The following PARP4 variants were observed in gnomAD, a reference collection of about 807,000 sequenced individuals.
PARP4 encodes the protein protein mono-ADP-ribosyltransferase PARP4.
PARP4 carries 120 observed loss-of-function variants against 187.7 expected under a neutral mutation model. The observed-to-expected ratio is 0.64, with a 90% CI of 0.55 to 0.74. PARP4 has a LOEUF of 0.74. PARP4 is among the 30% of genes least tolerant of loss of function. The pLI is 0.00. For missense variants in PARP4, 1,836 were observed against 2,070.5 expected (o/e 0.89, Z 2.20); for synonymous variants, 654 against 740.9 (o/e 0.88, Z 1.90).
At chr13:24,491,698 G>A (rs1868663430) in intron 9 of PARP4, among the ~76,000 whole-genome samples, 1 of 150,150 alleles carries the variant, frequency 6.7e-6, no homozygotes, top group Non-Finnish European at 1.5e-5. Context: ...AGGGTTGGCT[G>A]CTGTGGCTGC....
intron 30 of PARP4, among the ~76,000 whole-genome samples, chr13:24,436,757 C>T (rs1280451908): frequency 6.6e-6 from 1 of 152,026 alleles, no homozygotes; most frequent in Admixed American, 6.6e-5. Flanking sequence ...GTATAAAATC[C>T]AGTTTTATAT....
chr13:24,438,388 C>T (rs935321487), intron 30 of PARP4, among the ~76,000 whole-genome samples: 12 of 152,214 alleles, frequency 7.9e-5, no homozygotes, highest in Non-Finnish European at 1.5e-4. Flanking sequence ...TCACCTCCTG[C>T]TGTGCAGCCT....
intron 14 of PARP4, among the ~76,000 whole-genome samples, chr13:24,476,678 C>T (rs761123641): frequency 3.9e-5 from 6 of 152,322 alleles, no homozygotes; most frequent in Non-Finnish European, 7.4e-5. Context: ...CACACATGAA[C>T]TCATGCGTTT....
At chr13:24,512,029 C>G (rs192465578) in intron 1 of PARP4, among the ~76,000 whole-genome samples, 129 of 152,278 alleles carry the variant, frequency 8.5e-4, no homozygotes, top group African/African-American at 3.1e-3. Context: ...GCGAACTTCC[C>G]CTTTATCATA....
intron 25 of PARP4, among the ~76,000 whole-genome samples, chr13:24,449,116 C>T (rs181051435): frequency 6.9e-4 from 105 of 152,168 alleles, no homozygotes; most frequent in East Asian, 6.4e-3. Flanking sequence ...TGGCCAGGCG[C>T]GGTGGCTCAC....
At chr13:24,493,760 CAA>C in intron 7 of PARP4, 27 bp from the exon 8 acceptor site, 1 of 1,609,982 alleles carries the variant, frequency 6.2e-7, no homozygotes. Flanking sequence ...GAAATGCCAC[CAA>C]AAAGTCATCA....
rs9318600 is a variant in PARP4 at position 24,494,670 on chromosome 13, A to T, written c.644T>A (p.Phe215Tyr). 0.11 allele frequency: 178,589 copies of T among 1,608,332 alleles called. 10,548 individuals are homozygous for T. The highest frequency in any genetic ancestry group is 0.13 in the Middle Eastern group (762 of 6,046). ...CTTCAGTTCTTCAATGTAATTTTCA[A>T]AGTATTCACTTGCATCTTCAGAGGT... ...KKTSEDASEY[F>Y]ENYIEELKKQ... The change falls in exon 7 of 34, where the codon TTT becomes TAT. Residue 215 changes from phenylalanine (F) to tyrosine (Y), a missense_variant. By Grantham distance (22) the Phe-to-Tyr change is conservative. Coordinates refer to ENST00000381989, the MANE Select transcript of PARP4 (RefSeq NM_006437.4).
At chr13:24,505,889 C>G (rs1453358279) in intron 1 of PARP4, among the ~76,000 whole-genome samples, 1 of 152,238 alleles carries the variant, frequency 6.6e-6, no homozygotes, top group Non-Finnish European at 1.5e-5. Flanking sequence ...GCAGGCAGGT[C>G]AGGTTCTCTG....
intron 33 of PARP4, among the ~76,000 whole-genome samples, chr13:24,425,162 G>C (rs1007428401): frequency 6.6e-6 from 1 of 152,138 alleles, no homozygotes; most frequent in Non-Finnish European, 1.5e-5. Flanking sequence ...TTAGCAGGGC[G>C]TGGTGGTGCA....
At chr13:24,469,568 C>T (rs1000519756) in intron 16 of PARP4, among the ~76,000 whole-genome samples, 1 of 152,128 alleles carries the variant, frequency 6.6e-6, no homozygotes, top group Non-Finnish European at 1.5e-5. Flanking sequence ...CCTCAGCCTC[C>T]CGAAGTGCTG....
At chr13:24,498,385 A>G (rs745447008) in intron 5 of PARP4, among the ~76,000 whole-genome samples, 156 bp from the exon 6 acceptor site, 3 of 152,216 alleles carry the variant, frequency 2.0e-5, no homozygotes, top group Non-Finnish European at 4.4e-5. Context: ...AAATCTCCTA[A>G]AATCCCGAGA....
chr13:24,492,088 C>T (rs542848759), intron 9 of PARP4, among the ~76,000 whole-genome samples: 5 of 152,312 alleles, frequency 3.3e-5, no homozygotes, highest in Admixed American at 6.5e-5. Context: ...TGTCTGAGAA[C>T]GTAAATGTCC....
chr13:24,490,456 G>C (rs1868576948), intron 10 of PARP4, among the ~76,000 whole-genome samples: 1 of 152,190 alleles, frequency 6.6e-6, no homozygotes, highest in African/African-American at 2.4e-5. Flanking sequence ...AGGTAACCTT[G>C]AAATCGGAGT....
chr13:24,427,889 A>G (rs1323255253), intron 32 of PARP4, among the ~76,000 whole-genome samples: 1 of 152,134 alleles, frequency 6.6e-6, no homozygotes, highest in Non-Finnish European at 1.5e-5. Context: ...TGTTAGACTA[A>G]TTTTTAAGCA....
chr13:24,497,671 T>G (rs1278345540), intron 6 of PARP4, among the ~76,000 whole-genome samples: 1 of 152,192 alleles, frequency 6.6e-6, no homozygotes, highest in Non-Finnish European at 1.5e-5. Context: ...ATGCATATGC[T>G]GAAGTCCTAA....
At chr13:24,508,431 G>A (rs555964111) in intron 1 of PARP4, among the ~76,000 whole-genome samples, 76 of 152,152 alleles carry the variant, frequency 5.0e-4, no homozygotes, top group Non-Finnish European at 8.8e-4. Flanking sequence ...GAAAAAAAAA[G>A]AACAAAACAA....
Position 24,420,993 on chromosome 13 carries a change from T to G in PARP4, c.*126A>C. 8.1e-7 allele frequency: 1 copy of G among 1,238,690 alleles called. No homozygotes were observed. Among genetic ancestry groups the G allele is most frequent in the South Asian group, 2.4e-5 (1 of 40,912 alleles). 76.7% of individuals were successfully genotyped at this position (1,238,690 alleles called of 1,614,324 possible). On this transcript the variant is annotated 3_prime_UTR_variant, in exon 34 of 34. Transcript: ENST00000381989. Reference sequence around the variant, plus strand: ...TTAAAGTAATTCTTCTTCCACTTAATTTTTAAAGACAGTAATTGCTACACT... The same window carrying G: ...TTAAAGTAATTCTTCTTCCACTTAAGTTTTAAAGACAGTAATTGCTACACT...
Position 24,455,173 on chromosome 13 carries a change from G to A in PARP4, c.2602C>T (p.Leu868Phe), listed in dbSNP as rs565292494. The A allele has an allele frequency of 2.2e-4, 359 of 1,599,066 alleles. 1 individual carries two copies. In the South Asian group the frequency reaches 3.1e-3, roughly 14 times the overall value. Residue 868 changes from leucine to phenylalanine, a missense_variant, in exon 22 of 34, where the codon CTC (leucine) becomes TTC (phenylalanine). Leu to Phe is a conservative substitution (Grantham distance 22). Transcript: ENST00000381989. ...LVFQPDLDVD[L>F]PDLASESEVI... Reference sequence around the variant, plus strand: ...TCGCTCTCACTGGCTAGGTCAGGGAGGTCGACATCGAGATCGGGTTGAAAG... The same window carrying A: ...TCGCTCTCACTGGCTAGGTCAGGGAAGTCGACATCGAGATCGGGTTGAAAG...
chr13:24,450,431 T>C (rs1478801635), intron 24 of PARP4, among the ~76,000 whole-genome samples: 4 of 150,182 alleles, frequency 2.7e-5, no homozygotes, highest in African/African-American at 7.3e-5. Flanking sequence ...AAAGAGCTTA[T>C]GAAAATAATT....
Sources: allele counts gnomAD v4.1 joint callset (sites outside exome capture counted in the v4.1 genomes callset), GRCh38; gene constraint gnomAD v4.1.1; transcripts MANE v1.5; gene names NCBI Gene and HGNC (gene_info 2026-07-23, HGNC 2026-07-21).